The following LRRC4C variants were observed in gnomAD, a reference collection of about 807,000 sequenced individuals.
LRRC4C encodes leucine-rich repeat-containing protein 4C.
A neutral mutation model predicts 33.6 loss-of-function variants in LRRC4C; 5 were observed. That is an observed-to-expected ratio of 0.15 (90% CI 0.08 to 0.31). The LOEUF is 0.31. LRRC4C is among the 10% of genes least tolerant of loss of function. The probability of loss-of-function intolerance (pLI) is 1.00; values close to 1 mark genes in which losing one functional copy is unlikely to be tolerated. For missense variants in LRRC4C, 560 were observed against 796.7 expected, an observed-to-expected ratio of 0.70 and a Z score of 3.58; for synonymous variants, 329 against 302.0, an observed-to-expected ratio of 1.09 and a Z score of -0.93.
In LRRC4C at chr11:40,159,291, G is replaced by C. The variant is rs1042200741; in HGVS notation, c.-95-18438C>G. 5.9e-5 allele frequency among the ~76,000 whole-genome samples: 9 copies of C among 152,128 alleles called. No individual in the cohort carries two copies. The East Asian group carries it at 9.7e-4, about 16-fold the overall frequency. On this transcript the variant is annotated intron_variant, in intron 5 of 6. Coordinates refer to ENST00000528697, the MANE Select transcript of LRRC4C (RefSeq NM_001258419.2). ...GCACAGAGCAGCAGGCATTTTGAAG[G>C]GTTTATTTGGAGAAAGGAAACGTCT...
chr11:40,759,803 C>T (rs1228121628), intron 2 of LRRC4C, among the ~76,000 whole-genome samples: 1 of 151,822 alleles, frequency 6.6e-6, no homozygotes, highest in African/African-American at 2.4e-5. Flanking sequence ...CAGCCAACTT[C>T]CCTAAAGCAG....
chr11:41,329,686 C>T (rs1231431179), intron 1 of LRRC4C, among the ~76,000 whole-genome samples: 2 of 152,226 alleles, frequency 1.3e-5, no homozygotes, highest in African/African-American at 4.8e-5. Flanking sequence ...TACACCCATT[C>T]TCTCATTATG....
At chr11:40,637,691 A>G (rs1355079073) in intron 3 of LRRC4C, among the ~76,000 whole-genome samples, 2 of 152,190 alleles carry the variant, frequency 1.3e-5, no homozygotes, top group Non-Finnish European at 2.9e-5. Context: ...TACTCAAAAT[A>G]TATATAGAAT....
chr11:41,222,161 A>T (rs1016914307), intron 1 of LRRC4C, among the ~76,000 whole-genome samples: 31 of 152,216 alleles, frequency 2.0e-4, no homozygotes, highest in Non-Finnish European at 4.4e-4. Context: ...GGTACTGTAG[A>T]TTACGATTCT....
chr11:40,141,512 G>A (rs1253577492), intron 5 of LRRC4C, among the ~76,000 whole-genome samples: 5 of 152,190 alleles, frequency 3.3e-5, no homozygotes, highest in African/African-American at 4.8e-5. Context: ...GAAACTTGCT[G>A]TAATTCCAAC....
Position 41,123,256 on chromosome 11 carries a change from G to GTTTTGT in LRRC4C, c.-495-189539_-495-189534dup, listed in dbSNP as rs1214289628. Among the ~76,000 whole-genome samples, 14 of 107,140 alleles carry GTTTTGT rather than the reference G, an allele frequency of 1.3e-4. 1 individual carries two copies. The highest frequency in any genetic ancestry group is 3.1e-4 in the South Asian group (1 of 3,182). 70.3% of individuals were successfully genotyped at this position (107,140 alleles called of 152,430 possible). On this transcript the variant is annotated intron_variant, in intron 1 of 6. Transcript: ENST00000528697. ...AAATGCTTTCTCTATCCTGAGCTAT[G>GTTTTGT]TTTTGTTTTTTTTTTTTTTTTTTTT...
chr11:41,110,494 C>T lies in LRRC4C; in HGVS notation c.-495-176771G>A, dbSNP rs564989857. Among the ~76,000 whole-genome samples the T allele has an allele frequency of 3.3e-5, 5 of 152,068 alleles. No homozygotes were observed. In the South Asian group the frequency reaches 1.0e-3, roughly 31 times the overall value. On this transcript the variant is annotated intron_variant, in intron 1 of 6. Transcript: ENST00000528697. ...CTGAGATAATAAATATTAGAAATGA[C>T]TTCTAAACTGTACTCCTAGATGTCA...
intron 2 of LRRC4C, among the ~76,000 whole-genome samples, chr11:40,806,123 T>C (rs956725527): frequency 6.6e-6 from 1 of 152,196 alleles, no homozygotes; most frequent in African/African-American, 2.4e-5. Flanking sequence ...GTTACGACTG[T>C]TGTCATTATC....
At chr11:40,210,487 G>C (rs945426527) in intron 5 of LRRC4C, among the ~76,000 whole-genome samples, 8 of 152,170 alleles carry the variant, frequency 5.3e-5, no homozygotes, top group African/African-American at 1.9e-4. Flanking sequence ...AACAGTAAAA[G>C]AGTGTTCAGC....
intron 3 of LRRC4C, among the ~76,000 whole-genome samples, chr11:40,409,146 G>A (rs983201525): frequency 1.3e-5 from 2 of 151,862 alleles, no homozygotes; most frequent in Non-Finnish European, 2.9e-5. Context: ...TACATAATAA[G>A]GGAAGACATT....
intron 1 of LRRC4C, among the ~76,000 whole-genome samples, chr11:41,102,412 T>C (rs1019720460): frequency 1.3e-5 from 2 of 152,108 alleles, no homozygotes; most frequent in African/African-American, 4.8e-5. Context: ...TAGTTTCCAC[T>C]GAGGTGTGTT....
At chr11:41,443,089 A>ATTTTTTTTTTTTTTTTTTTTTTCTTT in intron 1 of LRRC4C, among the ~76,000 whole-genome samples, 2 of 105,994 alleles carry the variant, frequency 1.9e-5, no homozygotes, top group African/African-American at 3.7e-5. Flanking sequence ...TGTTTGCTTC[A>ATTTTTTTTTTTTTTTTTTTTTTCTTT]TTTTTTTTTT....
chr11:41,394,057 C>T (rs944265651), intron 1 of LRRC4C, among the ~76,000 whole-genome samples: 1 of 151,960 alleles, frequency 6.6e-6, no homozygotes, highest in African/African-American at 2.4e-5. Flanking sequence ...GCCTTAAAAG[C>T]ATAGACTCTG....
intron 1 of LRRC4C, among the ~76,000 whole-genome samples, chr11:41,188,902 C>G (rs1945819301): frequency 2.0e-5 from 1 of 50,550 alleles, no homozygotes; most frequent in Admixed American, 1.9e-4. Context: ...ACAGGACCTG[C>G]CCCCCCCCCC....
intron 1 of LRRC4C, among the ~76,000 whole-genome samples, chr11:40,972,528 A>C (rs761379750): frequency 6.6e-6 from 1 of 152,146 alleles, no homozygotes; most frequent in Non-Finnish European, 1.5e-5. Context: ...ATACTACTAT[A>C]AAGAACTGTC....
Position 40,114,244 on chromosome 11 carries a change from C to G in LRRC4C, c.*126G>C. 1 of 1,065,616 alleles carries G rather than the reference C, an allele frequency of 9.4e-7. No individual in the cohort carries two copies. Among genetic ancestry groups the G allele is most frequent in the Non-Finnish European group, 1.3e-6 (1 of 773,308 alleles). The allele number at this position is 1,065,616 out of a possible 1,614,324, so 66.0% of individuals were successfully genotyped here. A position where few individuals can be genotyped will look rare whatever the true frequency, so the allele number is the denominator to read the frequency against. On this transcript the variant is annotated 3_prime_UTR_variant, in exon 7 of 7. Transcript: ENST00000528697. ...AATAGAATTTTTAATAAATAAATTT[C>G]TTTTCTTTTTTGTTTTTTTGTAAAG...
At chr11:40,535,958 A>AAAAT (rs1591033741) in intron 3 of LRRC4C, among the ~76,000 whole-genome samples, 1 of 152,196 alleles carries the variant, frequency 6.6e-6, no homozygotes, top group African/African-American at 2.4e-5. Flanking sequence ...CACTCTGATG[A>AAAAT]AAATACTCTG....
At chr11:40,987,640 T>TC (rs1395787124) in intron 1 of LRRC4C, among the ~76,000 whole-genome samples, 1 of 70,048 alleles carries the variant, frequency 1.4e-5, no homozygotes, top group Non-Finnish European at 2.8e-5. Context: ...GATATATATA[T>TC]ATATATATAT....
intron 5 of LRRC4C, among the ~76,000 whole-genome samples, chr11:40,150,767 C>A (rs2135108845): frequency 6.6e-6 from 1 of 152,254 alleles, no homozygotes; most frequent in African/African-American, 2.4e-5. Flanking sequence ...ATCTACCATT[C>A]TGACCATGTA....
Sources: allele counts gnomAD v4.1 joint callset (sites outside exome capture counted in the v4.1 genomes callset), GRCh38; gene constraint gnomAD v4.1.1; transcripts MANE v1.5; gene names NCBI Gene and HGNC (gene_info 2026-07-23, HGNC 2026-07-21).